CTNNA2: variants seen among roughly 807,000 people sequenced by gnomAD.
CTNNA2 encodes catenin alpha 2, also known as catenin alpha-2.
Under a neutral mutation model 101.0 loss-of-function variants are expected in CTNNA2, and 42 were observed. The observed-to-expected ratio is 0.42, with a 90% CI of 0.32 to 0.54. The LOEUF is 0.54. Among genes scored for constraint, CTNNA2 ranks in the 20% least tolerant of loss-of-function variants. CTNNA2 has a pLI of 0.14. For synonymous variants in CTNNA2, 450 were observed against 456.4 expected, an observed-to-expected ratio of 0.99 and a Z score of 0.18; for missense variants, 871 against 1,223.1, an observed-to-expected ratio of 0.71 and a Z score of 4.29.
At chr2:79,288,376 A>T (rs759929497) in intron 2 of CTNNA2, among the ~76,000 whole-genome samples, 1 of 152,224 alleles carries the variant, frequency 6.6e-6, no homozygotes, top group Non-Finnish European at 1.5e-5. Context: ...ACTAAAATGT[A>T]TTGGAATCCA....
intron 7 of CTNNA2, among the ~76,000 whole-genome samples, chr2:80,116,338 C>G (rs1701516503): frequency 7.0e-6 from 1 of 142,520 alleles, no homozygotes; most frequent in Non-Finnish European, 1.5e-5. Context: ...GTGTAGGGGA[C>G]TCATTCATAG....
At chr2:79,917,095 C>T (rs539537879) in intron 7 of CTNNA2, among the ~76,000 whole-genome samples, 8 of 150,716 alleles carry the variant, frequency 5.3e-5, no homozygotes, top group African/African-American at 1.2e-4. Flanking sequence ...TTTTTTGAGA[C>T]GGAGTCTTGC....
chr2:80,647,674 C>A lies in CTNNA2; in HGVS notation c.2664C>A (p.Thr888=), dbSNP rs1674258065. The change falls in exon 19 of 19, where the codon ACC becomes ACA. Residue 888 remains threonine, a synonymous_variant. Transcript: ENST00000402739. ...TGAAAGCATCCTATGTGGCCTCAACCAAATACCAGAAGGTCTATGGGACAG... is the reference window on the plus strand; with the variant it reads ...TGAAAGCATCCTATGTGGCCTCAACAAAATACCAGAAGGTCTATGGGACAG... ...LTVKASYVAS[T]KYQKVYGTAA... 2 of 1,613,318 alleles carry A rather than the reference C, an allele frequency of 1.2e-6. No individual in the cohort carries two copies. Among genetic ancestry groups the A allele is most frequent in the African/African-American group, 1.3e-5 (1 of 74,874 alleles).
intron 1 of CTNNA2, among the ~76,000 whole-genome samples, chr2:79,567,559 CTGT>C (rs1254365610): frequency 1.3e-5 from 2 of 152,030 alleles, no homozygotes; most frequent in Non-Finnish European, 2.9e-5. Flanking sequence ...GCCAACTCAA[CTGT>C]TGTTGTTCTT....
At chr2:80,424,112 G>T (rs972008885) in intron 9 of CTNNA2, among the ~76,000 whole-genome samples, 1 of 151,986 alleles carries the variant, frequency 6.6e-6, no homozygotes, top group Non-Finnish European at 1.5e-5. Context: ...CCCGCCAGCA[G>T]GCCCAGCTAA....
intron 18 of CTNNA2, among the ~76,000 whole-genome samples, chr2:80,620,468 G>A (rs1671002499): frequency 6.6e-6 from 1 of 151,846 alleles, no homozygotes; most frequent in Admixed American, 6.6e-5. Context: ...TGGGGAATGG[G>A]TTTTGAAGTT....
intron 1 of CTNNA2, chr2:79,634,444 T>G (rs1399704796): frequency 6.6e-6 from 1 of 152,228 alleles, no homozygotes. Context: ...ATCTCCCTCA[T>G]GTAATTGGTT....
At chr2:79,238,391 G>A (rs1288849146) in intron 2 of CTNNA2, among the ~76,000 whole-genome samples, 1 of 152,124 alleles carries the variant, frequency 6.6e-6, no homozygotes, top group African/African-American at 2.4e-5. Context: ...ATTGATCACA[G>A]ATCACCATAA....
chr2:80,163,228 A>G lies in CTNNA2; in HGVS notation c.1057-229983A>G, dbSNP rs188418004. The G allele has an allele frequency of 1.5e-4, 132 of 879,090 alleles. 2 individuals carry two copies. The African/African-American group carries it at 2.0e-3, about 13-fold the overall frequency. The allele number at this position is 879,090 out of a possible 1,614,324, so 54.5% of individuals were successfully genotyped here. ...CCACAAAGAACTAGCTTATTATTAT[A>G]GTAGATTATATTGATTGATTTTCCA... On this transcript the variant is annotated intron_variant, in intron 7 of 18. Transcript: ENST00000402739.
chr2:79,297,630 A>G lies in CTNNA2; in HGVS notation c.-405-15079A>G, dbSNP rs189271298. On this transcript the variant is annotated intron_variant, in intron 2 of 21. Transcript: ENST00000466387. The stretch of plus-strand genomic sequence containing the variant: ...GACTGCTGAGGAAAAGTATACAACC[A>G]TGCAGACTGGAGCCAAGACAAATTC... 3.8e-3 allele frequency among the ~76,000 whole-genome samples: 582 copies of G among 152,322 alleles called. 5 individuals carry two copies. The highest frequency in any genetic ancestry group is 0.01 in the Middle Eastern group (3 of 294).
intron 2 of CTNNA2, among the ~76,000 whole-genome samples, chr2:79,694,653 G>T (rs1391504617): frequency 6.6e-6 from 1 of 151,710 alleles, no homozygotes. Flanking sequence ...ATCGTAATAG[G>T]CTGCTTGAGT....
chr2:79,341,487 T>C (rs1677136251), intron 3 of CTNNA2, among the ~76,000 whole-genome samples: 1 of 152,190 alleles, frequency 6.6e-6, no homozygotes, highest in South Asian at 2.1e-4. Context: ...GTTTAAATTC[T>C]GACTCCTTCA....
intron 7 of CTNNA2, among the ~76,000 whole-genome samples, chr2:80,347,732 C>T (rs1051452727): frequency 6.6e-6 from 1 of 152,060 alleles, no homozygotes; most frequent in Non-Finnish European, 1.5e-5. Flanking sequence ...TCAGAATACC[C>T]TAGAAGCTTT....
At chr2:79,388,171 C>G (rs1562887) in intron 4 of CTNNA2, among the ~76,000 whole-genome samples, 43,330 of 152,074 alleles carry the variant, frequency 0.28, 6,417 homozygotes, top group Middle Eastern at 0.45. Flanking sequence ...ACCTCAGTAG[C>G]TTAAAACAGC....
chr2:79,241,006 C>A (rs751491568), intron 2 of CTNNA2, among the ~76,000 whole-genome samples: 1 of 152,148 alleles, frequency 6.6e-6, no homozygotes, highest in African/African-American at 2.4e-5. Context: ...GGGCTTCACT[C>A]AACATATTCC....
intron 1 of CTNNA2, among the ~76,000 whole-genome samples, chr2:79,520,931 T>A (rs1429331865): frequency 6.6e-6 from 1 of 151,726 alleles, no homozygotes; most frequent in Non-Finnish European, 1.5e-5. Flanking sequence ...TTAAAAATAC[T>A]CTTACCATAC....
chr2:80,016,157 T>TAGA (rs112839547), intron 7 of CTNNA2, among the ~76,000 whole-genome samples: 6 of 152,358 alleles, frequency 3.9e-5, no homozygotes, highest in African/African-American at 1.4e-4. Context: ...TTCTGCAGTG[T>TAGA]AGAAGTATAT....
At chr2:80,057,426 A>G (rs1697295138) in intron 7 of CTNNA2, among the ~76,000 whole-genome samples, 1 of 152,182 alleles carries the variant, frequency 6.6e-6, no homozygotes, top group Non-Finnish European at 1.5e-5. Context: ...TAATATTTTT[A>G]GGCCCTAAAT....
At chr2:79,635,542 C>A (rs543571367) in intron 1 of CTNNA2, among the ~76,000 whole-genome samples, 9 of 151,496 alleles carry the variant, frequency 5.9e-5, no homozygotes, top group African/African-American at 2.2e-4. Flanking sequence ...TCACTCTTGT[C>A]GCCCAGACTG....
Sources: gnomAD v4.1 joint callset for allele counts (sites outside exome capture counted in the v4.1 genomes callset) on GRCh38, gnomAD v4.1.1 for gene constraint, MANE v1.5 for transcripts, NCBI Gene and HGNC (gene_info 2026-07-23, HGNC 2026-07-21) for gene names.